The following FBXO42 variants were observed in gnomAD, a reference collection of about 807,000 sequenced individuals.
FBXO42 encodes the protein F-box only protein 42.
A neutral mutation model predicts 71.7 loss-of-function variants in FBXO42; 12 were observed. The ratio of observed to expected loss-of-function variants is 0.17; its 90% confidence interval spans 0.11 to 0.27. The LOEUF (loss-of-function observed/expected upper bound fraction) is 0.27. Ranked by LOEUF, FBXO42 falls within the 10% of genes least tolerant of loss-of-function variation. FBXO42 has a pLI of 1.00. For missense variants in FBXO42, 707 were observed against 911.9 expected, an observed-to-expected ratio of 0.78 and a Z score of 2.89; for synonymous variants, 325 against 327.5, an observed-to-expected ratio of 0.99 and a Z score of 0.08.
chr1:16,267,546 G>T (rs536559749), intron 4 of FBXO42, among the ~76,000 whole-genome samples: 4 of 152,174 alleles, frequency 2.6e-5, no homozygotes, highest in Non-Finnish European at 4.4e-5. Context: ...TGAGATCAGG[G>T]TCGGCTCCAG....
At position 16,253,702 on chromosome 1, in the gene FBXO42, T is replaced by C; in HGVS notation, c.797A>G (p.Glu266Gly). Reference protein sequence around the residue: ...MSNDVWVLDLEQWAWSKPNIS... With the variant: ...MSNDVWVLDLGQWAWSKPNIS... Reference sequence around the variant, plus strand: ...GTTCGGCTTGGACCACGCCCACTGCTCAAGGTCAAGGACCCAGACATCATT... The same window carrying C: ...GTTCGGCTTGGACCACGCCCACTGCCCAAGGTCAAGGACCCAGACATCATT... Residue 266 changes from glutamate to glycine, a missense_variant, in exon 7 of 10, where the codon GAG becomes GGG. Glu to Gly is a moderately conservative substitution (Grantham distance 98, BLOSUM62 -2). Around this residue, in one of 5 missense-constraint regions of FBXO42, gnomAD observed 482 missense variants for 587.1 expected, o/e 0.82. Coordinates refer to ENST00000375592, the MANE Select transcript of FBXO42 (RefSeq NM_018994.3). 6.2e-7 allele frequency: 1 copy of C among 1,614,174 alleles called. No individual in the cohort carries two copies. Among genetic ancestry groups the C allele is most frequent in the Non-Finnish European group, 8.5e-7 (1 of 1,180,036 alleles).
intron 1 of FBXO42, among the ~76,000 whole-genome samples, chr1:16,348,158 C>A (rs1312055404): frequency 6.6e-6 from 1 of 152,142 alleles, no homozygotes; most frequent in African/African-American, 2.4e-5. Context: ...ATCACCTTCA[C>A]TTTTCCATCA....
intron 4 of FBXO42, among the ~76,000 whole-genome samples, chr1:16,277,369 T>A (rs1462229472): frequency 6.6e-6 from 1 of 152,172 alleles, no homozygotes; most frequent in Admixed American, 6.6e-5. Flanking sequence ...CATTAATACA[T>A]CATTCTTTTT....
chr1:16,344,486 C>CTTTTTTTTTT (rs59077549), intron 1 of FBXO42, among the ~76,000 whole-genome samples: 3 of 87,160 alleles, frequency 3.4e-5, no homozygotes, highest in Non-Finnish European at 6.6e-5. Context: ...ACCCAGCTAA[C>CTTTTTTTTTT]TTTTTTTTTT....
intron 4 of FBXO42, among the ~76,000 whole-genome samples, chr1:16,278,132 G>A (rs529144460): frequency 8.5e-5 from 13 of 152,210 alleles, no homozygotes; most frequent in South Asian, 2.1e-4. Flanking sequence ...CGAGGCGGGC[G>A]GATCACCTGA....
At chr1:16,340,663 T>C (rs2082595735) in intron 1 of FBXO42, among the ~76,000 whole-genome samples, 1 of 152,184 alleles carries the variant, frequency 6.6e-6, no homozygotes, top group African/African-American at 2.4e-5. Flanking sequence ...AAGGTTAAGT[T>C]ACTTCTAAAA....
intron 2 of FBXO42, among the ~76,000 whole-genome samples, chr1:16,313,147 T>A (rs1261645405): frequency 1.4e-5 from 2 of 147,534 alleles, no homozygotes; most frequent in African/African-American, 4.9e-5. Context: ...AAGTGCTCTT[T>A]AAAAAAAAAG....
rs2082711674 is a variant in FBXO42, at chr1:16,352,414, T to C, written c.-177A>G. Reference sequence around the variant, plus strand: ...GACCCCGAGCCGCCCGGAGCCGCCATCTTCCTCCACTCAAACGCCGCCGCC... The same window carrying C: ...GACCCCGAGCCGCCCGGAGCCGCCACCTTCCTCCACTCAAACGCCGCCGCC... On this transcript the variant is annotated 5_prime_UTR_variant, in exon 1 of 10. The change abolishes an upstream ATG in the 5' untranslated region. Transcript: ENST00000375592. 1 of 399,266 alleles carries C rather than the reference T, an allele frequency of 2.5e-6. No individual in the cohort carries two copies. Among genetic ancestry groups the C allele is most frequent in the Admixed American group, 4.4e-5 (1 of 22,602 alleles). 24.7% of individuals were successfully genotyped at this position (399,266 alleles called of 1,614,324 possible).
chr1:16,328,577 A>C (rs2082470143), intron 1 of FBXO42, among the ~76,000 whole-genome samples: 1 of 152,198 alleles, frequency 6.6e-6, no homozygotes, highest in African/African-American at 2.4e-5. Context: ...TTAAATAGAT[A>C]CAGATGGTTA....
intron 2 of FBXO42, among the ~76,000 whole-genome samples, chr1:16,312,798 C>CT (rs34574831): frequency 1.7e-3 from 238 of 142,178 alleles, no homozygotes; most frequent in East Asian, 5.9e-3. Flanking sequence ...TTTTGTTTTG[C>CT]TTTTTTTTTT....
At position 16,278,369 on chromosome 1, in the gene FBXO42, C is replaced by CA. The variant is rs533175675; in HGVS notation, c.502+16413dup. ...CGAAACTCCATCTCAAAAAAAAAAA[C>CA]AAAAAACAAAACAAAAAAAACCACA... On this transcript the variant is annotated intron_variant, in intron 4 of 9. Transcript: ENST00000375592. 4.7e-3 allele frequency among the ~76,000 whole-genome samples: 706 copies of CA among 150,550 alleles called. 7 individuals carry two copies. Among genetic ancestry groups the CA allele is most frequent in the African/African-American group, 0.016 (657 of 40,636 alleles).
In FBXO42 at chr1:16,253,664, TG is replaced by T; in HGVS notation, c.834del (p.Ser279ValfsTer13). ...WAWSKPNISGPSPHPRGGQSQ... is the reference protein window; with the variant it reads ...WAWSKPNISGXSPHPRGGQSQ... ...GATTGGCCACCTCGAGGATGAGGAC[TG>T]GGGCCAGAGATGTTCGGCTTGGACC... is the stretch of plus-strand genomic sequence containing the variant. On this transcript the variant is annotated frameshift_variant, in exon 7 of 10. Coordinates refer to ENST00000375592, the MANE Select transcript of FBXO42 (RefSeq NM_018994.3). LOFTEE classifies it high-confidence loss of function. 6.2e-7 allele frequency: 1 copy of T among 1,614,220 alleles called. No individual in the cohort carries two copies. Among genetic ancestry groups the T allele is most frequent in the East Asian group, 2.2e-5 (1 of 44,894 alleles).
At chr1:16,303,014 G>A (rs193063216) in intron 3 of FBXO42, among the ~76,000 whole-genome samples, 24 of 152,164 alleles carry the variant, frequency 1.6e-4, no homozygotes, top group African/African-American at 5.5e-4. Flanking sequence ...GAGCTCAGGG[G>A]TTCGAGACCA....
intron 4 of FBXO42, among the ~76,000 whole-genome samples, chr1:16,259,723 G>A (rs2081687109): frequency 6.8e-6 from 1 of 146,866 alleles, no homozygotes; most frequent in Non-Finnish European, 1.5e-5. Flanking sequence ...CCGAGATTGA[G>A]CCACTGCACT....
intron 4 of FBXO42, among the ~76,000 whole-genome samples, chr1:16,261,836 T>A (rs1353745025): frequency 6.6e-6 from 1 of 152,122 alleles, no homozygotes; most frequent in Admixed American, 6.6e-5. Flanking sequence ...CCTGAGTAGC[T>A]GGGACTACAG....
chr1:16,265,447 TAAG>T (rs1413311219), intron 4 of FBXO42, among the ~76,000 whole-genome samples: 1 of 152,192 alleles, frequency 6.6e-6, no homozygotes, highest in Non-Finnish European at 1.5e-5. Flanking sequence ...AGTTTATTGT[TAAG>T]GAGTTATAAA....
At chr1:16,311,501 A>ATAT (rs1278727170) in intron 2 of FBXO42, among the ~76,000 whole-genome samples, 235 of 62,226 alleles carry the variant, frequency 3.8e-3, no homozygotes, top group South Asian at 8.2e-3. Flanking sequence ...AAAAAAAAAA[A>ATAT]AAATATATAT....
intron 1 of FBXO42, among the ~76,000 whole-genome samples, chr1:16,329,576 T>C (rs2082479114): frequency 7.4e-6 from 1 of 135,534 alleles, no homozygotes; most frequent in Non-Finnish European, 1.6e-5. Flanking sequence ...AGAGAGAGAC[T>C]CCATCTATAA....
chr1:16,313,326 AAGAAAG>A (rs1361106356), intron 2 of FBXO42, among the ~76,000 whole-genome samples: 1 of 16,552 alleles, frequency 6.0e-5, no homozygotes, highest in East Asian at 2.6e-3. Context: ...AAAGAAAACA[AAGAAAG>A]AAAGAAAGAA....
Sources: gnomAD v4.1 joint callset for allele counts (sites outside exome capture counted in the v4.1 genomes callset) on GRCh38, gnomAD v4.1.1 for gene constraint, gnomAD v4.1.1 regional missense constraint, MANE v1.5 for transcripts, NCBI Gene and HGNC (gene_info 2026-07-23, HGNC 2026-07-21) for gene names.